DLG2: variants seen among roughly 807,000 people sequenced by gnomAD.
The protein encoded by DLG2 is discs large MAGUK scaffold protein 2.
DLG2 carries 45 observed loss-of-function variants against 132.5 expected under a neutral mutation model. The observed-to-expected ratio is 0.34, with a 90% CI of 0.27 to 0.44. The LOEUF (loss-of-function observed/expected upper bound fraction) is 0.44, where lower values mean the gene tolerates loss of function less well. Ranked by LOEUF, DLG2 falls within the 20% of genes least tolerant of loss-of-function variation. DLG2 has a pLI of 1.00. For missense variants in DLG2, 1,045 were observed against 1,196.9 expected (o/e 0.87, Z 1.87); for synonymous variants, 424 against 419.6 (o/e 1.01, Z -0.13).
chr11:83,823,162 C>A (rs984512549), intron 17 of DLG2, among the ~76,000 whole-genome samples: 4 of 152,086 alleles, frequency 2.6e-5, no homozygotes, highest in African/African-American at 9.7e-5. Flanking sequence ...GACTAAAAAT[C>A]AGTCCACTTT....
intron 7 of DLG2, among the ~76,000 whole-genome samples, chr11:84,383,191 T>C (rs1170968345): frequency 6.6e-6 from 1 of 152,104 alleles, no homozygotes; most frequent in Non-Finnish European, 1.5e-5. Context: ...AAAGCTGTTG[T>C]CTTAGCATGG....
chr11:83,480,730 A>G, intron 22 of DLG2: 1 of 1,015,432 alleles, frequency 9.8e-7, no homozygotes, highest in Non-Finnish European at 1.5e-6. Flanking sequence ...CTGACTTTCA[A>G]GATTTATGTG....
At chr11:85,089,019 T>A (rs1440861019) in intron 6 of DLG2, among the ~76,000 whole-genome samples, 5 of 152,212 alleles carry the variant, frequency 3.3e-5, no homozygotes, top group Non-Finnish European at 2.9e-5. Flanking sequence ...CTTTTATGCT[T>A]TATAAACTAT....
chr11:85,079,199 G>A (rs561256734), intron 6 of DLG2, among the ~76,000 whole-genome samples: 1 of 152,216 alleles, frequency 6.6e-6, no homozygotes, highest in South Asian at 2.1e-4. Context: ...TCTGGCATCA[G>A]TAGAAGGGAG....
chr11:84,581,113 T>C (rs2099515323), intron 6 of DLG2, among the ~76,000 whole-genome samples: 1 of 152,352 alleles, frequency 6.6e-6, no homozygotes, highest in African/African-American at 2.4e-5. Flanking sequence ...GAACTCATTA[T>C]TTTATTTCCT....
intron 17 of DLG2, among the ~76,000 whole-genome samples, chr11:83,807,664 CTGTT>C (rs1274400012): frequency 6.6e-6 from 1 of 152,116 alleles, no homozygotes; most frequent in Non-Finnish European, 1.5e-5. Flanking sequence ...GACTTTCAAA[CTGTT>C]TGTGACCAAG....
chr11:83,561,465 G>A (rs2096608586), intron 19 of DLG2, among the ~76,000 whole-genome samples: 1 of 152,154 alleles, frequency 6.6e-6, no homozygotes, highest in Non-Finnish European at 1.5e-5. Context: ...CATTTGTAAG[G>A]AGACTGCAAG....
rs769862125 is a variant in DLG2, at chr11:85,382,186, G to A, written c.41-96821C>T. Among the ~76,000 whole-genome samples the A allele has an allele frequency of 5.9e-5, 9 of 152,068 alleles. No homozygotes were observed. The South Asian group carries it at 1.5e-3, about 25-fold the overall frequency. Reference sequence around the variant, plus strand: ...ATAATAAAAGTCACACAGATTAATGGAGCAGAATTGAGAGTCCAGAAGTAA... The same window carrying A: ...ATAATAAAAGTCACACAGATTAATGAAGCAGAATTGAGAGTCCAGAAGTAA... On this transcript the variant is annotated intron_variant, in intron 3 of 27. Coordinates refer to ENST00000376104, the MANE Select transcript of DLG2 (RefSeq NM_001142699.3).
At chr11:84,540,257 C>G (rs2099364966) in intron 6 of DLG2, among the ~76,000 whole-genome samples, 2 of 151,598 alleles carry the variant, frequency 1.3e-5, no homozygotes, top group Non-Finnish European at 2.9e-5. Flanking sequence ...AACAGGCAAC[C>G]TACAGAATGG....
At chr11:83,533,475 T>C (rs1390386334) in intron 20 of DLG2, among the ~76,000 whole-genome samples, 3 of 152,196 alleles carry the variant, frequency 2.0e-5, no homozygotes, top group Non-Finnish European at 4.4e-5. Flanking sequence ...GAAAATGCTG[T>C]AGAACAAGAT....
At chr11:84,191,279 T>C (rs930847900) in intron 8 of DLG2, among the ~76,000 whole-genome samples, 10 of 152,208 alleles carry the variant, frequency 6.6e-5, no homozygotes, top group East Asian at 5.8e-4. Flanking sequence ...GGAAAATTAT[T>C]GTTCATGTGA....
chr11:83,737,228 G>A (rs1463745544), intron 18 of DLG2, among the ~76,000 whole-genome samples: 1 of 152,118 alleles, frequency 6.6e-6, no homozygotes, highest in Non-Finnish European at 1.5e-5. Flanking sequence ...GTGTGAAGCT[G>A]TAATAAAGTT....
At chr11:84,517,503 G>A (rs189281822) in intron 7 of DLG2, among the ~76,000 whole-genome samples, 10 of 151,978 alleles carry the variant, frequency 6.6e-5, no homozygotes, top group Middle Eastern at 6.8e-3. Context: ...AATAAACGCT[G>A]GCAAGGATGT....
At chr11:84,547,047 C>G (rs2099391362) in intron 6 of DLG2, among the ~76,000 whole-genome samples, 2 of 152,158 alleles carry the variant, frequency 1.3e-5, no homozygotes, top group African/African-American at 4.8e-5. Context: ...TTATTAAACC[C>G]TCTGAGACAT....
At chr11:83,552,890 G>A (rs2096427042) in intron 19 of DLG2, among the ~76,000 whole-genome samples, 1 of 152,158 alleles carries the variant, frequency 6.6e-6, no homozygotes, top group Non-Finnish European at 1.5e-5. Flanking sequence ...GACTTTCTCT[G>A]GGAATCCTTC....
intron 6 of DLG2, among the ~76,000 whole-genome samples, chr11:84,922,424 A>G (rs2092796192): frequency 6.6e-6 from 1 of 152,186 alleles, no homozygotes; most frequent in Admixed American, 6.5e-5. Flanking sequence ...GACAAGGGGT[A>G]AATCTCCCAA....
intron 3 of DLG2, among the ~76,000 whole-genome samples, chr11:85,550,430 T>C (rs1362229241): frequency 1.3e-5 from 2 of 152,248 alleles, no homozygotes; most frequent in Non-Finnish European, 2.9e-5. Flanking sequence ...CTCTGGTTCC[T>C]GCACCCACTC....
chr11:84,215,648 A>G (rs34664733), intron 8 of DLG2, among the ~76,000 whole-genome samples: 6,072 of 152,280 alleles, frequency 0.04, 184 homozygotes, highest in Non-Finnish European at 0.061. Context: ...ATTGAGGTGC[A>G]GTAATGATGT....
chr11:85,143,417 C>T (rs554677493), intron 5 of DLG2, among the ~76,000 whole-genome samples: 38 of 151,540 alleles, frequency 2.5e-4, no homozygotes, highest in South Asian at 1.0e-3. Flanking sequence ...TTTTATATTG[C>T]GGTGTCTTCT....
Sources: gnomAD v4.1 joint callset for allele counts (sites outside exome capture counted in the v4.1 genomes callset) on GRCh38, gnomAD v4.1.1 for gene constraint, MANE v1.5 for transcripts, NCBI Gene and HGNC (gene_info 2026-07-23, HGNC 2026-07-21) for gene names.